The following CATSPERB variants were observed in gnomAD, a reference collection of about 807,000 sequenced individuals.
The protein encoded by CATSPERB is catsper channel auxiliary subunit beta.
A neutral mutation model predicts 128.3 loss-of-function variants in CATSPERB; 93 were observed. The ratio of observed to expected loss-of-function variants is 0.72; its 90% CI spans 0.61 to 0.86. The LOEUF is 0.86. CATSPERB is among the 40% of genes least tolerant of loss of function. The pLI is 0.00. For missense variants in CATSPERB, 1,153 were observed against 1,329.5 expected, an observed-to-expected ratio of 0.87 and a Z score of 2.06; for synonymous variants, 381 against 448.8, an observed-to-expected ratio of 0.85 and a Z score of 1.91.
intron 2 of CATSPERB, among the ~76,000 whole-genome samples, chr14:91,729,130 G>T (rs1024568650): frequency 1.3e-5 from 2 of 152,130 alleles, no homozygotes; most frequent in South Asian, 2.1e-4. Context: ...ACGAGGTCAG[G>T]AGTTCAAGAC....
At chr14:91,612,093 T>A in intron 20 of CATSPERB, among the ~76,000 whole-genome samples, 1 of 150,264 alleles carries the variant, frequency 6.7e-6, no homozygotes, top group South Asian at 2.1e-4. Flanking sequence ...GAGATCGCGC[T>A]CTGTCACCCA....
chr14:91,603,265 T>A (rs1368053412), intron 22 of CATSPERB: 30 of 1,137,292 alleles, frequency 2.6e-5, no homozygotes, highest in Non-Finnish European at 4.0e-5. Context: ...AAAGCCAGCA[T>A]ATATTATTCA....
Position 91,610,920 on chromosome 14 carries a change from A to G in CATSPERB, c.2401-243T>C, listed in dbSNP as rs184198375. Among the ~76,000 whole-genome samples, 82 of 152,304 alleles carry G rather than the reference A, an allele frequency of 5.4e-4. 2 individuals carry two copies. Among genetic ancestry groups the G allele is most frequent in the Admixed American group, 4.6e-3 (71 of 15,298 alleles). ...TAGGATATAGACAACACAGAAACTG[A>G]GGGGCAACCATATGAGGACACAGCA... On this transcript the variant is annotated intron_variant, in intron 20 of 26. Coordinates refer to ENST00000256343, the MANE Select transcript of CATSPERB (RefSeq NM_024764.4).
intron 22 of CATSPERB, among the ~76,000 whole-genome samples, chr14:91,607,431 A>T (rs1421330130): frequency 6.6e-6 from 1 of 152,148 alleles, no homozygotes; most frequent in African/African-American, 2.4e-5. Flanking sequence ...TCAGGCAGAA[A>T]AGCATTCCAC....
rs77153373 is a variant in CATSPERB, at chr14:91,669,189, C to T, written c.1287+625G>A. ...ATCTTTAAAATCTCTAAATTTTGCA[C>T]ATAATATAGATATTTGAGAAACTGA... On this transcript the variant is annotated intron_variant, in intron 14 of 26. Transcript: ENST00000256343. Among the ~76,000 whole-genome samples, 2,255 of 152,300 alleles carry T rather than the reference C, an allele frequency of 0.015. 150 individuals carry two copies. In the East Asian group the frequency reaches 0.22, roughly 15 times the overall value.
chr14:91,586,563 GAGAGAGAA>G (rs1213858814), intron 26 of CATSPERB, among the ~76,000 whole-genome samples: 2 of 46,714 alleles, frequency 4.3e-5, no homozygotes, highest in Admixed American at 2.4e-4. Flanking sequence ...GAGAGAGAGA[GAGAGAGAA>G]AGAGAGAGAG....
Position 91,726,299 on chromosome 14 carries a change from C to T in CATSPERB, c.80-1131G>A, listed in dbSNP as rs138338739. On this transcript the variant is annotated intron_variant, in intron 2 of 26. Coordinates refer to ENST00000256343, the MANE Select transcript of CATSPERB (RefSeq NM_024764.4). ...GTTTCAGGAGTCACAGGCTCCCACC[C>T]GTGGATGCTGCCATGGAGCCAGAGC... Among the ~76,000 whole-genome samples, 793 of 152,302 alleles carry T rather than the reference C, an allele frequency of 5.2e-3. 7 individuals are homozygous for T. The highest frequency in any genetic ancestry group is 0.018 in the African/African-American group (739 of 41,552).
At chr14:91,611,039 A>G (rs979530857) in intron 20 of CATSPERB, among the ~76,000 whole-genome samples, 1 of 152,214 alleles carries the variant, frequency 6.6e-6, no homozygotes, top group African/African-American at 2.4e-5. Flanking sequence ...CTAGAACTGT[A>G]AGAAAATAAA....
intron 20 of CATSPERB, among the ~76,000 whole-genome samples, chr14:91,615,442 C>T (rs1328021995): frequency 6.6e-6 from 1 of 152,162 alleles, no homozygotes; most frequent in African/African-American, 2.4e-5. Context: ...CACTGTTGTA[C>T]CCCTTGACCA....
At chr14:91,682,175 G>A (rs187278920) in intron 11 of CATSPERB, among the ~76,000 whole-genome samples, 136 of 152,264 alleles carry the variant, frequency 8.9e-4, no homozygotes, top group African/African-American at 3.0e-3. Context: ...TCTATACCTG[G>A]TATGGGGCAA....
intron 10 of CATSPERB, among the ~76,000 whole-genome samples, chr14:91,686,751 C>T (rs569011475): frequency 6.6e-5 from 10 of 152,222 alleles, no homozygotes; most frequent in Admixed American, 5.9e-4. Context: ...CAATCAAGTT[C>T]TAGGATGTAT....
chr14:91,609,948 T>C (rs1335344612), intron 21 of CATSPERB, among the ~76,000 whole-genome samples: 2 of 152,150 alleles, frequency 1.3e-5, no homozygotes, highest in African/African-American at 2.4e-5. Context: ...CTCGATACCC[T>C]GACCTCAAGT....
chr14:91,633,564 C>T (rs1407690109), intron 17 of CATSPERB, among the ~76,000 whole-genome samples: 2 of 151,868 alleles, frequency 1.3e-5, no homozygotes, highest in Non-Finnish European at 2.9e-5. Flanking sequence ...CAAACCGAGT[C>T]CAGAAATGTA....
At chr14:91,630,761 C>A (rs1566710966) in intron 17 of CATSPERB, among the ~76,000 whole-genome samples, 1 of 152,140 alleles carries the variant, frequency 6.6e-6, no homozygotes, top group Non-Finnish European at 1.5e-5. Flanking sequence ...TCAGAGTGAT[C>A]CTTTCAAAAA....
chr14:91,638,471 A>G (rs1302222612), intron 16 of CATSPERB, among the ~76,000 whole-genome samples: 1 of 151,026 alleles, frequency 6.6e-6, no homozygotes, highest in Non-Finnish European at 1.5e-5. Context: ...ATCACAGCTC[A>G]CTTCAGCAGC....
chr14:91,610,684 A>G lies in CATSPERB; in HGVS notation c.2401-7T>C. On this transcript the variant is annotated splice_polypyrimidine_tract_variant and splice_region_variant and intron_variant, in intron 20 of 26. Coordinates refer to ENST00000256343, the MANE Select transcript of CATSPERB (RefSeq NM_024764.4). ...ATGCCAGTGAAGTTGAACCCTGGAA[A>G]TAACCAAATAAATGAAGGTTATTTA... is the stretch of plus-strand genomic sequence containing the variant. The G allele has an allele frequency of 6.2e-7, 1 of 1,613,424 alleles. No homozygotes were observed. The highest frequency in any genetic ancestry group is 8.5e-7 in the Non-Finnish European group (1 of 1,179,640).
intron 10 of CATSPERB, among the ~76,000 whole-genome samples, chr14:91,685,538 T>C (rs1355631920): frequency 1.3e-5 from 2 of 152,114 alleles, no homozygotes; most frequent in Non-Finnish European, 2.9e-5. Flanking sequence ...ATAAGATAGA[T>C]CTTGACCGGA....
chr14:91,621,829 A>G lies in CATSPERB; in HGVS notation c.2039T>C (p.Ile680Thr). 1 of 1,614,152 alleles carries G rather than the reference A, an allele frequency of 6.2e-7. No homozygotes were observed. The highest frequency in any genetic ancestry group is 8.5e-7 in the Non-Finnish European group (1 of 1,179,998). Residue 680 changes from isoleucine (I) to threonine (T), a missense_variant, in exon 19 of 27, where the codon ATT becomes ACT. Transcript: ENST00000256343. ...SILDNKNALA[I>T]ATMPESAPNN... ...GGGTGCACTTTCAGGCATGGTAGCA[A>G]TGGCTAATGCATTCTTATTATCTAA... is the stretch of plus-strand genomic sequence containing the variant.
rs138744017 is a variant in CATSPERB at position 91,661,462 on chromosome 14, A to T, written c.1288-1481T>A. ...ATTCATTTATCTGCCTATTTGTACT[A>T]ACGTTACAGTGTTATCTTTAAAGAA... On this transcript the variant is annotated intron_variant, in intron 14 of 26. Transcript: ENST00000256343. Among the ~76,000 whole-genome samples the T allele has an allele frequency of 5.1e-3, 763 of 150,806 alleles. 4 individuals are homozygous for T. The highest frequency in any genetic ancestry group is 0.014 in the Middle Eastern group (4 of 286).
Sources: allele counts gnomAD v4.1 joint callset (sites outside exome capture counted in the v4.1 genomes callset), GRCh38; gene constraint gnomAD v4.1.1; transcripts MANE v1.5; gene names NCBI Gene and HGNC (gene_info 2026-07-23, HGNC 2026-07-21).